The following HGSNAT variants were observed in gnomAD, a reference collection of about 807,000 sequenced individuals.
HGSNAT encodes transmembrane protein 76.
In HGSNAT, 59 loss-of-function variants were observed where a neutral mutation model predicts 85.2. The observed-to-expected ratio is 0.69, with a 90% CI of 0.56 to 0.86. The LOEUF is 0.86. Among genes scored for constraint, HGSNAT ranks in the 40% least tolerant of loss-of-function variants. The probability of loss-of-function intolerance (pLI) is 0.00; values close to 1 mark genes in which losing one functional copy is unlikely to be tolerated. For synonymous variants in HGSNAT, 321 were observed against 304.5 expected, an observed-to-expected ratio of 1.05 and a Z score of -0.56; for missense variants, 756 against 777.1, an observed-to-expected ratio of 0.97 and a Z score of 0.32.
In HGSNAT at chr8:43,202,081, C is replaced by T. The variant is rs1804933337; in HGVS notation, c.*2512C>T. ...CTGTGGGTTACATCAACTTGGGTGTCTTGAGCTGTAAGGAAGGAACTCCGG... is the reference window on the plus strand; with the variant it reads ...CTGTGGGTTACATCAACTTGGGTGTTTTGAGCTGTAAGGAAGGAACTCCGG... On this transcript the variant is annotated 3_prime_UTR_variant, in exon 18 of 18. Coordinates refer to ENST00000379644, the MANE Select transcript of HGSNAT (RefSeq NM_152419.3). 1 of 152,896 alleles carries T rather than the reference C, an allele frequency of 6.5e-6. No individual in the cohort carries two copies. The highest frequency in any genetic ancestry group is 6.5e-5 in the Admixed American group (1 of 15,274). The allele number at this position is 152,896 out of a possible 1,614,324, so 9.5% of individuals were successfully genotyped here.
chr8:43,187,530 G>A (rs1366460870), intron 11 of HGSNAT, among the ~76,000 whole-genome samples: 1 of 152,094 alleles, frequency 6.6e-6, no homozygotes, highest in Non-Finnish European at 1.5e-5. Context: ...TTGAGCCTAT[G>A]TGTGTCTTTG....
intron 14 of HGSNAT, chr8:43,196,589 C>A (rs545495176): frequency 1.7e-6 from 2 of 1,143,738 alleles, no homozygotes; most frequent in Non-Finnish European, 2.3e-6. Context: ...GCATTCCCTG[C>A]AGCAGTGGAG....
At position 43,199,479 on chromosome 8, in the gene HGSNAT, G is replaced by A. The variant is rs1481579378; in HGVS notation, c.1818G>A (p.Lys606=). Residue 606 remains lysine, a synonymous_variant, in exon 18 of 18, where the codon AAG becomes AAA. Coordinates refer to ENST00000379644, the MANE Select transcript of HGSNAT (RefSeq NM_152419.3). ...AGCTGAAGGACAACCAGTCCCACAA[G>A]GAGCACCTGACTCAGAACATCGTCG... The part of the protein sequence containing the change: ...QWKLKDNQSH[K]EHLTQNIVAT... 1 of 1,612,826 alleles carries A rather than the reference G, an allele frequency of 6.2e-7. No homozygotes were observed.
At chr8:43,185,897 A>G (rs1804290579) in intron 11 of HGSNAT, among the ~76,000 whole-genome samples, 1 of 152,154 alleles carries the variant, frequency 6.6e-6, no homozygotes, top group Non-Finnish European at 1.5e-5. Context: ...TGAGATAATC[A>G]TGTGGTTTTT....
In HGSNAT at chr8:43,158,580, G is replaced by C. The variant is rs774674978; in HGVS notation, c.240G>C (p.Leu80Phe). 8 of 1,613,874 alleles carry C rather than the reference G, an allele frequency of 5.0e-6. No homozygotes were observed. Among genetic ancestry groups the C allele is most frequent in the South Asian group, 2.2e-5 (2 of 91,074 alleles). Residue 80 changes from leucine (L) to phenylalanine (F), a missense_variant, in exon 3 of 18, where the codon TTG becomes TTC. Leu to Phe is a conservative substitution (Grantham distance 22). Transcript: ENST00000379644. The stretch of plus-strand genomic sequence containing the variant: ...TGTTGTGCTTTTATTTACAGTGCTT[G>C]TTTCAGGTTCTGGTAAACGTTCCTC... ...YWKSECCYHC[L>F]FQVLVNVPQS...
At chr8:43,158,803 C>A in intron 3 of HGSNAT, 92 bp downstream of exon 3, 1 of 1,490,986 alleles carries the variant, frequency 6.7e-7, no homozygotes, top group East Asian at 2.3e-5. Context: ...CAGTATTTTT[C>A]TTTATCTTTT....
intron 2 of HGSNAT, among the ~76,000 whole-genome samples, chr8:43,148,628 A>C (rs930765345): frequency 2.6e-5 from 4 of 151,160 alleles, no homozygotes; most frequent in African/African-American, 4.9e-5. Flanking sequence ...TCTCTATTAA[A>C]AAATACAAAA....
chr8:43,196,634 G>A, intron 14 of HGSNAT: 2 of 848,344 alleles, frequency 2.4e-6, no homozygotes, highest in Non-Finnish European at 3.5e-6. Context: ...CCCGAGCTCT[G>A]TGCCTGCTGC....
In HGSNAT at chr8:43,158,564, T is replaced by A; in HGVS notation, c.235-11T>A. 1 of 1,613,840 alleles carries A rather than the reference T, an allele frequency of 6.2e-7. No individual in the cohort carries two copies. Among genetic ancestry groups the A allele is most frequent in the Non-Finnish European group, 8.5e-7 (1 of 1,179,818 alleles). On this transcript the variant is annotated splice_polypyrimidine_tract_variant and intron_variant, in intron 2 of 17. Coordinates refer to ENST00000379644, the MANE Select transcript of HGSNAT (RefSeq NM_152419.3). Reference sequence around the variant, plus strand: ...CCTCTGGCGGTTGACCTGTTGTGCTTTTATTTACAGTGCTTGTTTCAGGTT... The same window carrying A: ...CCTCTGGCGGTTGACCTGTTGTGCTATTATTTACAGTGCTTGTTTCAGGTT...
chr8:43,171,844 C>T (rs1009838046), intron 7 of HGSNAT, among the ~76,000 whole-genome samples: 1 of 152,172 alleles, frequency 6.6e-6, no homozygotes, highest in African/African-American at 2.4e-5. Flanking sequence ...CTTTCTTTTA[C>T]AGATGAGCAC....
Position 43,158,588 on chromosome 8 carries a change from T to C in HGSNAT, c.248T>C (p.Val83Ala). ...TTTTATTTACAGTGCTTGTTTCAGG[T>C]TCTGGTAAACGTTCCTCAGAGTCCA... ...SECCYHCLFQ[V>A]LVNVPQSPKA... is the part of the protein sequence containing the mutation. Residue 83 changes from valine (V) to alanine (A), a missense_variant, in exon 3 of 18, where the codon GTT (valine) becomes GCT (alanine). Transcript: ENST00000379644. 1.9e-6 allele frequency: 3 copies of C among 1,613,962 alleles called. No homozygotes were observed. The highest frequency in any genetic ancestry group is 2.5e-6 in the Non-Finnish European group (3 of 1,179,846).
chr8:43,153,909 CTG>C (rs1803001166), intron 2 of HGSNAT, among the ~76,000 whole-genome samples: 1 of 152,168 alleles, frequency 6.6e-6, no homozygotes, highest in African/African-American at 2.4e-5. Flanking sequence ...TAGTATTCCT[CTG>C]TGAATATATT....
At chr8:43,172,668 A>C (rs1803667819) in intron 8 of HGSNAT, among the ~76,000 whole-genome samples, 1 of 152,184 alleles carries the variant, frequency 6.6e-6, no homozygotes, top group Non-Finnish European at 1.5e-5. Context: ...AGAATATGTT[A>C]TGGATTTGGT....
intron 4 of HGSNAT, 29 bp from the exon 5 acceptor site, chr8:43,161,409 G>A (rs760683116): frequency 1.3e-6 from 2 of 1,583,630 alleles, no homozygotes; most frequent in Non-Finnish European, 1.7e-6. Flanking sequence ...CATTTTTGGG[G>A]GCTAATGTGT....
chr8:43,141,716 A>G (rs1802552553), intron 1 of HGSNAT, among the ~76,000 whole-genome samples: 1 of 152,000 alleles, frequency 6.6e-6, no homozygotes, highest in South Asian at 2.1e-4. Context: ...AATTTTGGAA[A>G]AGCGGCTCAG....
Position 43,199,373 on chromosome 8 carries a change from G to T in HGSNAT, c.1727-15G>T. On this transcript the variant is annotated splice_polypyrimidine_tract_variant and intron_variant, in intron 17 of 17. Coordinates refer to ENST00000379644, the MANE Select transcript of HGSNAT (RefSeq NM_152419.3). ...CTGTGAGAAACATGATCTTCTGTATGTCTCTCTCCTTAAGGAATGAATTCC... is the reference window on the plus strand; with the variant it reads ...CTGTGAGAAACATGATCTTCTGTATTTCTCTCTCCTTAAGGAATGAATTCC... The T allele has an allele frequency of 6.5e-7, 1 of 1,548,354 alleles. No homozygotes were observed. The highest frequency in any genetic ancestry group is 1.4e-5 in the African/African-American group (1 of 73,632).
intron 1 of HGSNAT, among the ~76,000 whole-genome samples, chr8:43,142,038 C>A (rs1802567663): frequency 2.0e-5 from 3 of 152,060 alleles, no homozygotes; most frequent in African/African-American, 4.8e-5. Flanking sequence ...AAAACGTCAT[C>A]ATCTTCCTTC....
rs913572576 is a variant in HGSNAT, at chr8:43,199,798, C to G, written c.*229C>G. The G allele has an allele frequency of 3.2e-5, 11 of 348,354 alleles. No individual in the cohort carries two copies. The highest frequency in any genetic ancestry group is 5.6e-5 in the Non-Finnish European group (11 of 194,866). The allele number at this position is 348,354 out of a possible 1,614,324, so 21.6% of individuals were successfully genotyped here. A position where few individuals can be genotyped will look rare whatever the true frequency, so the allele number is the denominator to read the frequency against. On this transcript the variant is annotated 3_prime_UTR_variant, in exon 18 of 18. Transcript: ENST00000379644. ...TTGAAATGTAATTGTCTTTTTTCCT[C>G]CATCTTCTGTGGAAATGGATGTCTT...
In HGSNAT at chr8:43,199,709, C is replaced by A; in HGVS notation, c.*140C>A. 1 of 533,536 alleles carries A rather than the reference C, an allele frequency of 1.9e-6. No individual in the cohort carries two copies. The highest frequency in any genetic ancestry group is 3.0e-6 in the Non-Finnish European group (1 of 330,272). The allele number at this position is 533,536 out of a possible 1,614,324, so 33.1% of individuals were successfully genotyped here. ...GACTCTGGGGGAAGACACTGATGTC[C>A]TCAAACTGGTTAACTGTGACACGGC... On this transcript the variant is annotated 3_prime_UTR_variant, in exon 18 of 18. Transcript: ENST00000379644.
Sources: gnomAD v4.1 joint callset for allele counts (sites outside exome capture counted in the v4.1 genomes callset) on GRCh38, gnomAD v4.1.1 for gene constraint, MANE v1.5 for transcripts, NCBI Gene and HGNC (gene_info 2026-07-23, HGNC 2026-07-21) for gene names.